The following UBAP1 variants were observed in gnomAD, a reference collection of about 807,000 sequenced individuals.
UBAP1 encodes ubiquitin-associated protein 1.
In UBAP1, 5 loss-of-function variants were observed where a neutral mutation model predicts 39.0. The observed-to-expected ratio is 0.13, with a 90% CI of 0.07 to 0.27. The LOEUF (loss-of-function observed/expected upper bound fraction) is 0.27. UBAP1 is among the 10% of genes least tolerant of loss of function. The pLI is 1.00. For synonymous variants in UBAP1, 211 were observed against 225.1 expected (o/e 0.94, Z 0.56); for missense variants, 490 against 608.1 (o/e 0.81, Z 2.04).
In UBAP1 at chr9:34,238,718, TTTTA is replaced by T; in HGVS notation, c.160-2463_160-2460del. ...ACCTACTTTGTAACGTTTTTCCATG[TTTTA>T]TTTGTGTAAGAATTTTTTTATTGGC... On this transcript the variant is annotated intron_variant, in intron 3 of 6. Transcript: ENST00000297661. Among the ~76,000 whole-genome samples, 2 of 152,216 alleles carry T rather than the reference TTTTA, an allele frequency of 1.3e-5. 1 individual carries two copies. The highest frequency in any genetic ancestry group is 2.9e-5 in the Non-Finnish European group (2 of 68,034).
intron 3 of UBAP1, among the ~76,000 whole-genome samples, chr9:34,235,301 A>G (rs561429414): frequency 3.1e-4 from 37 of 119,182 alleles, no homozygotes; most frequent in African/African-American, 9.7e-4. Flanking sequence ...ATATGTGTAT[A>G]TATATATGTG....
chr9:34,251,428 G>C lies in UBAP1; in HGVS notation c.1405G>C (p.Glu469Gln), dbSNP rs766287171. 1.9e-6 allele frequency: 3 copies of C among 1,614,032 alleles called. No homozygotes were observed. The highest frequency in any genetic ancestry group is 2.5e-6 in the Non-Finnish European group (3 of 1,180,018). ...EFLQLMSKFK[E>Q]MGFELKDIKE... ...TCTTCAGTTAATGAGCAAATTTAAG[G>C]AGATGGGCTTTGAGCTGAAAGACAT... Residue 469 changes from glutamate to glutamine, a missense_variant, in exon 7 of 7, where the codon GAG (glutamate) becomes CAG (glutamine). This residue lies in a region of UBAP1 where 339 missense variants were observed against 390.0 expected (regional missense o/e 0.87). Coordinates refer to ENST00000297661, the MANE Select transcript of UBAP1 (RefSeq NM_016525.5).
In UBAP1 at chr9:34,179,249, G is replaced by T. The variant is rs577008849; in HGVS notation, c.-8+9G>T. ...GCAGCAGCGGCATTCAGGTGAGGGG[G>T]GCCTCCCTCTGGGGGAGGGGGAAGA... On this transcript the variant is annotated intron_variant, in intron 1 of 6. Transcript: ENST00000297661. 1.6e-4 allele frequency: 200 copies of T among 1,229,196 alleles called. 1 individual carries two copies. The East Asian group carries it at 6.2e-3, about 38-fold the overall frequency. The allele number at this position is 1,229,196 out of a possible 1,614,324, so 76.1% of individuals were successfully genotyped here.
intron 1 of UBAP1, among the ~76,000 whole-genome samples, chr9:34,182,904 G>T (rs1830171191): frequency 6.6e-6 from 1 of 151,734 alleles, no homozygotes; most frequent in Non-Finnish European, 1.5e-5. Flanking sequence ...TAGAGATGGG[G>T]TTTCACCGTG....
chr9:34,247,017 T>A (rs889920394), intron 4 of UBAP1, among the ~76,000 whole-genome samples: 12 of 152,140 alleles, frequency 7.9e-5, no homozygotes, highest in Non-Finnish European at 1.6e-4. Context: ...ATTCTTTTAT[T>A]GAAAAAATAA....
chr9:34,204,235 A>G (rs1831555621), intron 1 of UBAP1, among the ~76,000 whole-genome samples: 1 of 152,164 alleles, frequency 6.6e-6, no homozygotes, highest in South Asian at 2.1e-4. Context: ...GCTAAGGCAC[A>G]AGAATCTTGC....
intron 1 of UBAP1, among the ~76,000 whole-genome samples, chr9:34,185,503 C>T (rs1040100723): frequency 1.3e-5 from 2 of 152,098 alleles, no homozygotes; most frequent in Non-Finnish European, 2.9e-5. Flanking sequence ...GAGCTGAGAT[C>T]ATGCCCCTGC....
intron 1 of UBAP1, among the ~76,000 whole-genome samples, chr9:34,181,035 T>G (rs111879908): frequency 1.3e-5 from 2 of 151,208 alleles, no homozygotes; most frequent in African/African-American, 4.9e-5. Flanking sequence ...GTCTCGAACT[T>G]CTGACCTCAA....
chr9:34,235,529 C>T (rs1427146448), intron 3 of UBAP1, among the ~76,000 whole-genome samples: 2 of 151,986 alleles, frequency 1.3e-5, no homozygotes, highest in Non-Finnish European at 2.9e-5. Context: ...TTAGTAGAGA[C>T]GGGGTTTCAC....
chr9:34,182,456 A>G (rs1376336249), intron 1 of UBAP1, among the ~76,000 whole-genome samples: 1 of 151,810 alleles, frequency 6.6e-6, no homozygotes, highest in East Asian at 1.9e-4. Context: ...AAGTGCAGGG[A>G]TTACAGACGT....
At chr9:34,191,925 A>C (rs1830744287) in intron 1 of UBAP1, 1 of 152,060 alleles carries the variant, frequency 6.6e-6, no homozygotes, top group Non-Finnish European at 1.5e-5. Flanking sequence ...AAAAAGTCCT[A>C]GTTCAGCTTT....
intron 1 of UBAP1, among the ~76,000 whole-genome samples, chr9:34,206,616 G>A (rs760034971): frequency 3.3e-5 from 5 of 151,810 alleles, no homozygotes; most frequent in Non-Finnish European, 5.9e-5. Flanking sequence ...TTCATTTTCC[G>A]AGTTTTTCAT....
chr9:34,198,958 T>C (rs1472226963), intron 1 of UBAP1, among the ~76,000 whole-genome samples: 1 of 152,256 alleles, frequency 6.6e-6, no homozygotes, highest in Non-Finnish European at 1.5e-5. Context: ...AGCCCTAGGC[T>C]CTGGAATTTT....
chr9:34,222,167 T>A (rs1215185721), intron 2 of UBAP1, among the ~76,000 whole-genome samples: 1 of 152,120 alleles, frequency 6.6e-6, no homozygotes, highest in Non-Finnish European at 1.5e-5. Flanking sequence ...TAAGAATGAT[T>A]TACTAGACTG....
intron 3 of UBAP1, among the ~76,000 whole-genome samples, chr9:34,239,774 T>A (rs749581807): frequency 6.6e-6 from 1 of 152,218 alleles, no homozygotes; most frequent in Non-Finnish European, 1.5e-5. Flanking sequence ...AGTTAAATAA[T>A]GCATTTATAA....
intron 1 of UBAP1, among the ~76,000 whole-genome samples, chr9:34,189,557 A>T (rs1830604372): frequency 1.3e-5 from 2 of 152,100 alleles, no homozygotes; most frequent in African/African-American, 4.8e-5. Flanking sequence ...TTCAAGGTCA[A>T]ATGGTCAGCC....
At chr9:34,223,923 GT>G (rs34660783) in intron 2 of UBAP1, 16 of 281,596 alleles carry the variant, frequency 5.7e-5, no homozygotes, top group Non-Finnish European at 8.9e-5. Context: ...TGTTTTTTGG[GT>G]TTTTTTTGGG....
rs1167877469 is a variant in UBAP1 at position 34,250,679 on chromosome 9, C to T, written c.1288C>T (p.His430Tyr). ...TTAGATTCTCGACTATCTCTTTGCA[C>T]ATGGACAGCTTTGTGAGAAGGGCTT... is the stretch of plus-strand genomic sequence containing the variant. Reference protein sequence around the residue: ...IEQILDYLFAHGQLCEKGFDP... With the variant: ...IEQILDYLFAYGQLCEKGFDP... Residue 430 changes from histidine (H) to tyrosine (Y), a missense_variant, in exon 6 of 7, where the codon CAT becomes TAT. By Grantham distance (83) the His-to-Tyr change is moderately conservative. Coordinates refer to ENST00000297661, the MANE Select transcript of UBAP1 (RefSeq NM_016525.5). 8 of 1,613,390 alleles carry T rather than the reference C, an allele frequency of 5.0e-6. No homozygotes were observed. Among genetic ancestry groups the T allele is most frequent in the Non-Finnish European group, 6.8e-6 (8 of 1,179,570 alleles).
At chr9:34,179,717 T>C (rs1038922548) in intron 1 of UBAP1, among the ~76,000 whole-genome samples, 4 of 152,242 alleles carry the variant, frequency 2.6e-5, no homozygotes, top group African/African-American at 9.6e-5. Flanking sequence ...GAGTGATCTT[T>C]GGGGATATCT....
Sources: gnomAD v4.1 joint callset for allele counts (sites outside exome capture counted in the v4.1 genomes callset) on GRCh38, gnomAD v4.1.1 for gene constraint, gnomAD v4.1.1 regional missense constraint, MANE v1.5 for transcripts, NCBI Gene and HGNC (gene_info 2026-07-23, HGNC 2026-07-21) for gene names.